Variants in PCDHA8 observed in about 807,000 individuals in gnomAD.
The protein encoded by PCDHA8 is protocadherin alpha 8, also known as protocadherin alpha-8.
In PCDHA8, 53 loss-of-function variants were observed where a neutral mutation model predicts 61.8. The observed-to-expected ratio is 0.86, with a 90% confidence interval of 0.69 to 1.08. The LOEUF (loss-of-function observed/expected upper bound fraction) is 1.08, where lower values mean the gene tolerates loss of function less well. Ranked by LOEUF, PCDHA8 falls within the 50% of genes least tolerant of loss-of-function variation. The probability of loss-of-function intolerance (pLI) is 0.00; values close to 1 mark genes in which losing one functional copy is unlikely to be tolerated. For missense variants in PCDHA8, 1,293 were observed against 1,245.0 expected (o/e 1.04, Z -0.58); for synonymous variants, 618 against 556.6 (o/e 1.11, Z -1.55).
At chr5:140,921,437 G>A (rs2080219286) in intron 1 of PCDHA8, among the ~76,000 whole-genome samples, 1 of 151,992 alleles carries the variant, frequency 6.6e-6, no homozygotes, top group South Asian at 2.1e-4. Context: ...TTTCTTCAAT[G>A]GTGTCTGAAA....
At chr5:140,882,369 C>T (rs1554173809) in intron 1 of PCDHA8, 1 of 1,614,222 alleles carries the variant, frequency 6.2e-7, no homozygotes, top group South Asian at 1.1e-5. Context: ...CTCCACTACT[C>T]CGTCCCCGAG....
At position 140,871,031 on chromosome 5, in the gene PCDHA8, G is replaced by A. The variant is rs543880939; in HGVS notation, c.2394+27316G>A. ...GCCCTGGACGAGGCAGACTCGCCGC[G>A]CCACCGACTTCTAGTACTGGTGAAG... is the stretch of plus-strand genomic sequence containing the variant. On this transcript the variant is annotated intron_variant, in intron 1 of 3. Coordinates refer to ENST00000531613, the MANE Select transcript of PCDHA8 (RefSeq NM_018911.3). 3.2e-5 allele frequency: 52 copies of A among 1,613,210 alleles called. 1 individual carries two copies. In the South Asian group the frequency reaches 4.7e-4, roughly 15 times the overall value.
intron 1 of PCDHA8, among the ~76,000 whole-genome samples, chr5:140,961,947 G>A (rs1183967245): frequency 6.6e-6 from 1 of 150,956 alleles, no homozygotes; most frequent in Non-Finnish European, 1.5e-5. Flanking sequence ...GCAGTGGCAT[G>A]ATCTCGGCTC....
intron 1 of PCDHA8, chr5:140,877,047 C>A (rs372059660): frequency 3.3e-5 from 53 of 1,612,564 alleles, no homozygotes; most frequent in Non-Finnish European, 4.3e-5. Flanking sequence ...CGCTAGACCA[C>A]GAGGAGCTGG....
chr5:140,842,222 G>A lies in PCDHA8; in HGVS notation c.901G>A (p.Glu301Lys), dbSNP rs1777807654. The A allele has an allele frequency of 6.2e-7, 1 of 1,613,082 alleles. No homozygotes were observed. The highest frequency in any genetic ancestry group is 8.5e-7 in the Non-Finnish European group (1 of 1,179,330). Residue 301 changes from glutamate to lysine, a missense_variant, in exon 1 of 4, where the codon GAA becomes AAA. Transcript: ENST00000531613. ...CTTTAGCATAGATCGAAATACGGGA[G>A]AAATAGTGATTCGGGGTAATTTGGA... ...DHFSIDRNTG[E>K]IVIRGNLDFE...
At chr5:140,910,479 A>G (rs2075041093) in intron 1 of PCDHA8, among the ~76,000 whole-genome samples, 1 of 152,212 alleles carries the variant, frequency 6.6e-6, no homozygotes. Context: ...AAAATCTGGC[A>G]TACAGAGAAG....
In PCDHA8 at chr5:140,841,648, C is replaced by T; in HGVS notation, c.327C>T (p.Ile109=). 6.2e-7 allele frequency: 1 copy of T among 1,614,112 alleles called. No individual in the cohort carries two copies. The highest frequency in any genetic ancestry group is 2.2e-5 in the East Asian group (1 of 44,888). ...SAECSIHLEV[I]VDRPLQVFHV... ...AGTGCAGCATCCACCTGGAGGTGAT[C>T]GTGGACAGGCCGCTGCAGGTTTTCC... The change falls in exon 1 of 4, where the codon ATC becomes ATT. Residue 109 remains isoleucine, a synonymous_variant. Transcript: ENST00000531613.
intron 1 of PCDHA8, among the ~76,000 whole-genome samples, chr5:140,962,051 T>G (rs1352018533): frequency 6.6e-6 from 1 of 151,838 alleles, no homozygotes; most frequent in East Asian, 1.9e-4. Context: ...GCCTGGCTAA[T>G]TTTTTTGTAT....
intron 2 of PCDHA8, among the ~76,000 whole-genome samples, chr5:140,979,906 C>T (rs190577549): frequency 1.8e-4 from 27 of 152,204 alleles, no homozygotes; most frequent in African/African-American, 5.5e-4. Context: ...TAGATCAGTT[C>T]GTAAAGAGAA....
intron 1 of PCDHA8, among the ~76,000 whole-genome samples, chr5:140,973,258 C>T (rs952911948): frequency 1.3e-5 from 2 of 152,168 alleles, no homozygotes; most frequent in African/African-American, 4.8e-5. Flanking sequence ...CTTTCAGTGG[C>T]ACCTACTTTT....
Position 140,843,594 on chromosome 5 carries a change from T to G in PCDHA8, c.2273T>G (p.Val758Gly). ...WSYSQQQPQR[V>G]CSGEGPPKTD... ...TACTCGCAACAACAGCCGCAGAGGG[T>G]GTGCTCTGGTGAGGGGCCACCGAAG... Residue 758 changes from valine to glycine, a missense_variant, in exon 1 of 4, where the codon GTG (valine) becomes GGG (glycine). Transcript: ENST00000531613. 1 of 1,595,928 alleles carries G rather than the reference T, an allele frequency of 6.3e-7. No homozygotes were observed. Among genetic ancestry groups the G allele is most frequent in the Middle Eastern group, 1.7e-4 (1 of 5,996 alleles).
At chr5:140,911,168 T>C (rs1315264734) in intron 1 of PCDHA8, among the ~76,000 whole-genome samples, 1 of 152,190 alleles carries the variant, frequency 6.6e-6, no homozygotes, top group Non-Finnish European at 1.5e-5. Context: ...GTGGAAAGGC[T>C]GATGGCAGTG....
At chr5:140,977,559 A>G (rs1383080307) in intron 1 of PCDHA8, among the ~76,000 whole-genome samples, 2 of 152,204 alleles carry the variant, frequency 1.3e-5, no homozygotes. Context: ...ATATCTTGCT[A>G]GCAGATTGGT....
rs558780713 is a variant in PCDHA8, at chr5:140,870,170, T to C, written c.2394+26455T>C. ...GAAGTCGCCGTGACTTCCTTGTCCCTCCCAGTACGAGAGGACGCTCAGCCC... is the reference window on the plus strand; with the variant it reads ...GAAGTCGCCGTGACTTCCTTGTCCCCCCCAGTACGAGAGGACGCTCAGCCC... On this transcript the variant is annotated intron_variant, in intron 1 of 3. Coordinates refer to ENST00000531613, the MANE Select transcript of PCDHA8 (RefSeq NM_018911.3). 8 of 1,614,100 alleles carry C rather than the reference T, an allele frequency of 5.0e-6. No homozygotes were observed. In the Admixed American group the frequency reaches 1.0e-4, roughly 20 times the overall value.
At chr5:140,921,781 G>C (rs1393443819) in intron 1 of PCDHA8, among the ~76,000 whole-genome samples, 1 of 151,986 alleles carries the variant, frequency 6.6e-6, no homozygotes, top group Non-Finnish European at 1.5e-5. Context: ...TACTGACTTG[G>C]ATGTTCTAGA....
intron 1 of PCDHA8, chr5:140,851,313 C>T: frequency 1.0e-6 from 1 of 998,874 alleles, no homozygotes; most frequent in Non-Finnish European, 1.2e-6. Flanking sequence ...GCAATTGTTA[C>T]CTTGTTAAGT....
chr5:140,950,028 A>G (rs1288516742), intron 1 of PCDHA8, among the ~76,000 whole-genome samples: 6 of 151,954 alleles, frequency 3.9e-5, no homozygotes, highest in Non-Finnish European at 8.8e-5. Flanking sequence ...TAAAATATAG[A>G]AAAGTTACAA....
At chr5:140,877,007 C>T in intron 1 of PCDHA8, 2 of 1,612,430 alleles carry the variant, frequency 1.2e-6, no homozygotes, top group Non-Finnish European at 1.7e-6. Context: ...TCGGTGCACG[C>T]GGAGAGCGGC....
intron 1 of PCDHA8, chr5:140,884,678 A>T (rs781881057): frequency 1.0e-5 from 16 of 1,553,210 alleles, no homozygotes; most frequent in South Asian, 4.9e-5. Context: ...CTTATATTTT[A>T]AAAAATTGTC....
Sources: gnomAD v4.1 joint callset for allele counts (sites outside exome capture counted in the v4.1 genomes callset) on GRCh38, gnomAD v4.1.1 for gene constraint, MANE v1.5 for transcripts, NCBI Gene and HGNC (gene_info 2026-07-23, HGNC 2026-07-21) for gene names.